CFAP300: variants seen among roughly 807,000 people sequenced by gnomAD.
The protein encoded by CFAP300 is cilia and flagella associated protein 300.
A neutral mutation model predicts 33.0 loss-of-function variants in CFAP300; 32 were observed. That is an observed-to-expected ratio of 0.97 (90% CI 0.73 to 1.30). The LOEUF (loss-of-function observed/expected upper bound fraction) is 1.30, where lower values mean the gene tolerates loss of function less well. CFAP300 is among the 50% of genes most tolerant of loss of function. CFAP300 has a pLI of 0.00. For missense variants in CFAP300, 356 were observed against 318.1 expected, an observed-to-expected ratio of 1.12 and a Z score of -0.90; for synonymous variants, 102 against 106.8, an observed-to-expected ratio of 0.95 and a Z score of 0.28.
chr11:102,082,730 G>T (rs539078288), intron 6 of CFAP300, among the ~76,000 whole-genome samples: 1 of 152,136 alleles, frequency 6.6e-6, no homozygotes, highest in African/African-American at 2.4e-5. Flanking sequence ...CGGGTGCTGT[G>T]TCTCAAGCCT....
At chr11:102,076,126 A>G (rs1040011315) in intron 5 of CFAP300, 81 bp downstream of exon 5, 3 of 1,439,970 alleles carry the variant, frequency 2.1e-6, no homozygotes, top group African/African-American at 2.9e-5. Context: ...ATTACACAAC[A>G]TCATTCAGTG....
chr11:102,075,796 T>C, intron 4 of CFAP300, 77 bp from the exon 5 acceptor site: 1 of 1,137,424 alleles, frequency 8.8e-7, no homozygotes, highest in South Asian at 1.6e-5. Flanking sequence ...TATTTTTAAG[T>C]CTATAAAATG....
chr11:102,059,768 A>C (rs151213997), intron 3 of CFAP300, among the ~76,000 whole-genome samples: 1 of 151,792 alleles, frequency 6.6e-6, no homozygotes, highest in Non-Finnish European at 1.5e-5. Context: ...AGATGAGTAC[A>C]TGGGTACATG....
chr11:102,057,149 C>A (rs1392530828), intron 2 of CFAP300, among the ~76,000 whole-genome samples: 3 of 151,756 alleles, frequency 2.0e-5, no homozygotes, highest in East Asian at 1.9e-4. Flanking sequence ...ACTAGCCTAG[C>A]CAACATGGTG....
intron 5 of CFAP300, among the ~76,000 whole-genome samples, chr11:102,078,791 C>G (rs1450027103): frequency 6.6e-6 from 1 of 152,180 alleles, no homozygotes; most frequent in African/African-American, 2.4e-5. Flanking sequence ...TCACTGCAAC[C>G]TCCGCCTACC....
intron 2 of CFAP300, among the ~76,000 whole-genome samples, chr11:102,055,609 A>G (rs1942041610): frequency 6.6e-6 from 1 of 151,368 alleles, no homozygotes; most frequent in Admixed American, 6.6e-5. Context: ...CAGCCTCCCA[A>G]AGTGCTGGGA....
At chr11:102,076,841 A>G (rs191562366) in intron 5 of CFAP300, among the ~76,000 whole-genome samples, 5 of 152,330 alleles carry the variant, frequency 3.3e-5, no homozygotes, top group Admixed American at 2.6e-4. Context: ...TTATGCAATT[A>G]ATTTATTTTA....
Position 102,083,723 on chromosome 11 carries a change from A to C in CFAP300, c.*524A>C, listed in dbSNP as rs1224587003. 2 of 152,294 alleles carry C rather than the reference A, an allele frequency of 1.3e-5. No homozygotes were observed. The highest frequency in any genetic ancestry group is 4.8e-5 in the African/African-American group (2 of 41,470). 9.4% of individuals were successfully genotyped at this position (152,294 alleles called of 1,614,324 possible). ...TTCCACTTATAAGCCTCAGTAAAGA[A>C]GTAACGTTCTGGGGCCTGGCACGGT... On this transcript the variant is annotated 3_prime_UTR_variant, in exon 7 of 7. Coordinates refer to ENST00000434758, the MANE Select transcript of CFAP300 (RefSeq NM_032930.3).
Position 102,047,536 on chromosome 11 carries a change from C to T in CFAP300, c.66C>T (p.Phe22=). The T allele has an allele frequency of 6.5e-7, 1 of 1,536,026 alleles. No homozygotes were observed. The highest frequency in any genetic ancestry group is 8.7e-7 in the Non-Finnish European group (1 of 1,146,818). The change falls in exon 1 of 7, where the codon TTC becomes TTT. Residue 22 remains phenylalanine (F), a synonymous_variant. Transcript: ENST00000434758. Reference sequence around the variant, plus strand: ...TCAGGTTCTTGCCTCAGAAAACCTTCCAGTCTCTGAGCTCTAAGGAGATCA... The same window carrying T: ...TCAGGTTCTTGCCTCAGAAAACCTTTCAGTCTCTGAGCTCTAAGGAGATCA... The part of the protein sequence containing the change: ...YYFRFLPQKT[F]QSLSSKEITS...
intron 4 of CFAP300, among the ~76,000 whole-genome samples, chr11:102,067,376 A>G (rs1235882586): frequency 6.6e-6 from 1 of 152,200 alleles, no homozygotes; most frequent in Non-Finnish European, 1.5e-5. Context: ...ACTTAGATAA[A>G]TAAATAAAAA....
In CFAP300 at chr11:102,058,908, C is replaced by G. The variant is rs368376134; in HGVS notation, c.221C>G (p.Pro74Arg). ...TTTTTCAAAGACCCAAATGTTATTC[C>G]CAATTTGAAGTTACTTTCAGATTCT... The part of the protein sequence containing the change: ...MAFFKDPNVI[P>R]NLKLLSDSSG... The change falls in exon 3 of 7, where the codon CCC becomes CGC. Residue 74 changes from proline to arginine, a missense_variant. Coordinates refer to ENST00000434758, the MANE Select transcript of CFAP300 (RefSeq NM_032930.3). 1.2e-4 allele frequency: 186 copies of G among 1,584,152 alleles called. No homozygotes were observed. Among genetic ancestry groups the G allele is most frequent in the Non-Finnish European group, 1.5e-4 (179 of 1,167,196 alleles).
chr11:102,083,149 C>A lies in CFAP300; in HGVS notation c.754C>A (p.Arg252Ser). 1 of 1,565,562 alleles carries A rather than the reference C, an allele frequency of 6.4e-7. No homozygotes were observed. The highest frequency in any genetic ancestry group is 8.7e-7 in the Non-Finnish European group (1 of 1,153,316). ...TTACTTTATTGTGGATCCTATCAGGCGTCACCTTCATGTTTTATACCACTG... is the reference window on the plus strand; with the variant it reads ...TTACTTTATTGTGGATCCTATCAGGAGTCACCTTCATGTTTTATACCACTG... The part of the protein sequence containing the change: ...FSYFIVDPIR[R>S]HLHVLYHCYG... Residue 252 changes from arginine to serine, a missense_variant, in exon 7 of 7, where the codon CGT (arginine) becomes AGT (serine). Transcript: ENST00000434758.
At chr11:102,059,281 ATGTGTGTGTGTGTGTGTGTGTGTG>A (rs55657614) in intron 3 of CFAP300, among the ~76,000 whole-genome samples, 24 of 148,632 alleles carry the variant, frequency 1.6e-4, no homozygotes, top group African/African-American at 5.4e-4. Context: ...ATATGTTAAA[ATGTGTGTGTGTGTGTGTGTGTGTG>A]TGTGTGTGTG....
chr11:102,048,826 A>G (rs543558454), intron 2 of CFAP300, among the ~76,000 whole-genome samples: 1 of 152,076 alleles, frequency 6.6e-6, no homozygotes, highest in South Asian at 2.1e-4. Context: ...TTTCTCCTCA[A>G]TCAAATGGAA....
At chr11:102,079,975 G>A (rs143128256) in intron 5 of CFAP300, among the ~76,000 whole-genome samples, 2 of 152,134 alleles carry the variant, frequency 1.3e-5, no homozygotes, top group African/African-American at 2.4e-5. Context: ...TTTAAATGAG[G>A]TCATGTATAT....
At chr11:102,048,954 G>A (rs1941928380) in intron 2 of CFAP300, among the ~76,000 whole-genome samples, 1 of 152,060 alleles carries the variant, frequency 6.6e-6, no homozygotes, top group Non-Finnish European at 1.5e-5. Flanking sequence ...CATGTGCTAG[G>A]AATTCCTTCC....
intron 4 of CFAP300, among the ~76,000 whole-genome samples, 190 bp downstream of exon 4, chr11:102,066,841 A>G (rs1942235276): frequency 6.6e-6 from 1 of 152,210 alleles, no homozygotes; most frequent in South Asian, 2.1e-4. Context: ...CAACTTAATT[A>G]TTTGTGTATT....
chr11:102,049,175 G>A (rs999267988), intron 2 of CFAP300, among the ~76,000 whole-genome samples: 1 of 152,196 alleles, frequency 6.6e-6, no homozygotes, highest in Non-Finnish European at 1.5e-5. Context: ...CAAGGTGCTG[G>A]CAGGGCCATC....
chr11:102,068,304 T>A (rs1485260042), intron 4 of CFAP300, among the ~76,000 whole-genome samples: 5 of 152,198 alleles, frequency 3.3e-5, no homozygotes, highest in African/African-American at 1.2e-4. Flanking sequence ...GACACAGGAA[T>A]CTTGTCTGTA....
Sources: allele counts gnomAD v4.1 joint callset (sites outside exome capture counted in the v4.1 genomes callset), GRCh38; gene constraint gnomAD v4.1.1; transcripts MANE v1.5; gene names NCBI Gene and HGNC (gene_info 2026-07-23, HGNC 2026-07-21).